Variants in SPATS2 observed in about 807,000 individuals in gnomAD.
SPATS2 encodes the protein spermatogenesis-associated serine-rich protein 2.
SPATS2 carries 38 observed loss-of-function variants against 63.7 expected under a neutral mutation model. The observed-to-expected ratio is 0.60, with a 90% CI of 0.46 to 0.78. The LOEUF is 0.78. Among genes scored for constraint, SPATS2 ranks in the 30% least tolerant of loss-of-function variants. The pLI, the probability that SPATS2 is intolerant of heterozygous loss-of-function variation, is 0.00. For missense variants in SPATS2, 588 were observed against 666.2 expected, an observed-to-expected ratio of 0.88 and a Z score of 1.29; for synonymous variants, 207 against 232.9, an observed-to-expected ratio of 0.89 and a Z score of 1.01.
chr12:49,431,368 C>G (rs1945182566), intron 2 of SPATS2, among the ~76,000 whole-genome samples: 1 of 151,878 alleles, frequency 6.6e-6, no homozygotes, highest in Admixed American at 6.6e-5. Flanking sequence ...CCTGCCCTGG[C>G]CTCCTGAGTA....
chr12:49,441,388 G>T (rs1413750334), intron 2 of SPATS2, among the ~76,000 whole-genome samples: 3 of 151,990 alleles, frequency 2.0e-5, no homozygotes, highest in African/African-American at 4.8e-5. Context: ...CTCCTTGTTG[G>T]TTTCTGCCCT....
chr12:49,455,202 T>G (rs550487552), intron 2 of SPATS2, among the ~76,000 whole-genome samples: 1 of 152,328 alleles, frequency 6.6e-6, no homozygotes, highest in African/African-American at 2.4e-5. Flanking sequence ...TAAAACACCA[T>G]GAGCCAGTAA....
chr12:49,496,035 T>G (rs1460278045), intron 7 of SPATS2, among the ~76,000 whole-genome samples: 1 of 152,200 alleles, frequency 6.6e-6, no homozygotes, highest in African/African-American at 2.4e-5. Flanking sequence ...CCAGTTCCCC[T>G]GCCCTGCTGC....
intron 3 of SPATS2, among the ~76,000 whole-genome samples, chr12:49,477,217 A>G (rs990604797): frequency 1.3e-5 from 2 of 152,108 alleles, no homozygotes; most frequent in Non-Finnish European, 2.9e-5. Context: ...TTGTTTGTCT[A>G]CCTCCTTCCC....
At chr12:49,457,260 G>A (rs769946146) in intron 2 of SPATS2, among the ~76,000 whole-genome samples, 1 of 151,894 alleles carries the variant, frequency 6.6e-6, no homozygotes, top group Non-Finnish European at 1.5e-5. Flanking sequence ...TTTATAGTAG[G>A]TTTGATAGCT....
intron 2 of SPATS2, among the ~76,000 whole-genome samples, chr12:49,395,867 T>C (rs1004416346): frequency 7.9e-5 from 12 of 152,254 alleles, no homozygotes; most frequent in African/African-American, 2.9e-4. Flanking sequence ...TTAATTAGCT[T>C]GTGTAACTGA....
chr12:49,526,236 C>T lies in SPATS2; in HGVS notation c.1619C>T (p.Thr540Ile). The T allele has an allele frequency of 6.2e-7, 1 of 1,611,352 alleles. No individual in the cohort carries two copies. The highest frequency in any genetic ancestry group is 1.3e-5 in the African/African-American group (1 of 74,844). The change falls in exon 14 of 14, where the codon ACT becomes ATT. Residue 540 changes from threonine to isoleucine, a missense_variant. Thr to Ile is a moderately conservative substitution (Grantham distance 89, BLOSUM62 -1). Transcript: ENST00000552918. ...LPQRKPRTSQ[T>I]EAVNS Reference sequence around the variant, plus strand: ...CAGCGCAAACCCAGGACCTCTCAGACTGAAGCCGTGAACTCTTGAGAGAAA... The same window carrying T: ...CAGCGCAAACCCAGGACCTCTCAGATTGAAGCCGTGAACTCTTGAGAGAAA...
chr12:49,371,390 T>C (rs962289448), intron 2 of SPATS2, 100 bp downstream of exon 2: 5 of 152,264 alleles, frequency 3.3e-5, no homozygotes, highest in African/African-American at 1.2e-4. Flanking sequence ...CAGAATCTTA[T>C]TCCTTTTTAA....
chr12:49,402,271 G>A (rs778198834), intron 2 of SPATS2, among the ~76,000 whole-genome samples: 1 of 152,214 alleles, frequency 6.6e-6, no homozygotes, highest in Non-Finnish European at 1.5e-5. Context: ...GAAGTCAAGA[G>A]ACTTGAGGTG....
intron 2 of SPATS2, among the ~76,000 whole-genome samples, chr12:49,424,365 A>ATGG (rs1302530564): frequency 6.6e-6 from 1 of 152,202 alleles, no homozygotes; most frequent in African/African-American, 2.4e-5. Flanking sequence ...ATAGGGAACC[A>ATGG]TGGTGCCCTT....
intron 2 of SPATS2, among the ~76,000 whole-genome samples, chr12:49,373,066 G>A (rs944378392): frequency 6.6e-6 from 1 of 150,694 alleles, no homozygotes; most frequent in Non-Finnish European, 1.5e-5. Context: ...TCCACCTCTC[G>A]GGTTCAAGCG....
intron 2 of SPATS2, among the ~76,000 whole-genome samples, chr12:49,412,654 G>A (rs1295011619): frequency 6.6e-6 from 1 of 151,918 alleles, no homozygotes; most frequent in Non-Finnish European, 1.5e-5. Flanking sequence ...GCTGAGGTAG[G>A]AGGATCGCTT....
At chr12:49,499,705 C>T (rs1233218717) in intron 8 of SPATS2, among the ~76,000 whole-genome samples, 2 of 152,144 alleles carry the variant, frequency 1.3e-5, no homozygotes, top group African/African-American at 4.8e-5. Flanking sequence ...TGCATTGTAG[C>T]CTAGAAACTA....
At chr12:49,396,607 A>G (rs929336101) in intron 2 of SPATS2, among the ~76,000 whole-genome samples, 12 of 152,318 alleles carry the variant, frequency 7.9e-5, no homozygotes, top group South Asian at 2.1e-4. Context: ...CATGTGTAGT[A>G]TGAATTTAGA....
At chr12:49,451,950 GC>G (rs1945630589) in intron 2 of SPATS2, among the ~76,000 whole-genome samples, 1 of 152,034 alleles carries the variant, frequency 6.6e-6, no homozygotes, top group Admixed American at 6.6e-5. Context: ...GGCTTCTTTT[GC>G]TTCTGATGAG....
At chr12:49,379,344 G>C (rs1464870800) in intron 2 of SPATS2, among the ~76,000 whole-genome samples, 1 of 149,880 alleles carries the variant, frequency 6.7e-6, no homozygotes, top group African/African-American at 2.4e-5. Context: ...TCAGGAGATC[G>C]AGACCATCCT....
intron 2 of SPATS2, among the ~76,000 whole-genome samples, chr12:49,380,807 A>G (rs111658218): frequency 1.3e-5 from 2 of 151,076 alleles, no homozygotes; most frequent in African/African-American, 4.9e-5. Context: ...CATGTATAGT[A>G]TTTGTTTGAA....
intron 2 of SPATS2, among the ~76,000 whole-genome samples, chr12:49,442,167 T>C (rs1945430481): frequency 6.6e-6 from 1 of 152,178 alleles, no homozygotes; most frequent in Non-Finnish European, 1.5e-5. Context: ...CATAATTCAG[T>C]ATCCCACATT....
At chr12:49,501,599 C>T (rs374766444) in intron 9 of SPATS2, among the ~76,000 whole-genome samples, 12 of 152,010 alleles carry the variant, frequency 7.9e-5, no homozygotes, top group African/African-American at 2.2e-4. Context: ...AAGGTGTTAA[C>T]GGATATTTGT....
Sources: gnomAD v4.1 joint callset for allele counts (sites outside exome capture counted in the v4.1 genomes callset) on GRCh38, gnomAD v4.1.1 for gene constraint, MANE v1.5 for transcripts, NCBI Gene and HGNC (gene_info 2026-07-23, HGNC 2026-07-21) for gene names.